GLIS1: variants seen among roughly 807,000 people sequenced by gnomAD.
GLIS1 encodes the protein GLIS family zinc finger 1, also known as zinc finger protein GLIS1.
Under a neutral mutation model 63.8 loss-of-function variants are expected in GLIS1, and 24 were observed. The ratio of observed to expected loss-of-function variants is 0.38; its 90% CI spans 0.27 to 0.53. The LOEUF (loss-of-function observed/expected upper bound fraction) is 0.53. GLIS1 is among the 20% of genes least tolerant of loss of function. The pLI is 0.85. For synonymous variants in GLIS1, 450 were observed against 482.5 expected (o/e 0.93, Z 0.88); for missense variants, 1,036 against 1,074.1 (o/e 0.96, Z 0.50).
At chr1:53,632,497 G>C (rs550621356) in intron 2 of GLIS1, among the ~76,000 whole-genome samples, 1 of 147,276 alleles carries the variant, frequency 6.8e-6, no homozygotes, top group Non-Finnish European at 1.5e-5. Context: ...ATGTGAATGA[G>C]TGTGACTGAG....
Position 53,524,803 on chromosome 1 carries a change from C to T in GLIS1, c.1567G>A (p.Ala523Thr), listed in dbSNP as rs1569749193. The T allele has an allele frequency of 6.2e-7, 1 of 1,613,362 alleles. No individual in the cohort carries two copies. The highest frequency in any genetic ancestry group is 8.5e-7 in the Non-Finnish European group (1 of 1,179,784). Residue 523 changes from alanine to threonine, a missense_variant, in exon 6 of 11, where the codon GCC (alanine) becomes ACC (threonine). Ala to Thr is a moderately conservative substitution (Grantham distance 58, BLOSUM62 0). Coordinates refer to ENST00000628545, the MANE Select transcript of GLIS1 (RefSeq NM_001367484.1). Reference protein sequence around the residue: ...SLRKHVKAHSAKEQQVRKKLH... With the variant: ...SLRKHVKAHSTKEQQVRKKLH... ...TTCTTACGCACCTGCTGCTCTTTGG[C>T]TGAATGGGCCTTGACGTGCTTGCGG...
chr1:53,582,119 G>A (rs74084750), intron 4 of GLIS1, among the ~76,000 whole-genome samples: 12,562 of 152,164 alleles, frequency 0.083, 1,400 homozygotes, highest in African/African-American at 0.25. Flanking sequence ...AGACCTAGGA[G>A]GGCTTCCAAC....
chr1:53,542,969 C>T (rs1644659483), intron 4 of GLIS1, among the ~76,000 whole-genome samples: 1 of 152,202 alleles, frequency 6.6e-6, no homozygotes, highest in South Asian at 2.1e-4. Flanking sequence ...GATGGTTCAG[C>T]AGGTGTCAAT....
At chr1:53,714,269 G>A (rs1646675542) in intron 2 of GLIS1, among the ~76,000 whole-genome samples, 1 of 152,184 alleles carries the variant, frequency 6.6e-6, no homozygotes, top group Non-Finnish European at 1.5e-5. Flanking sequence ...CAAGAGTGTT[G>A]AAAAGATTAA....
intron 4 of GLIS1, among the ~76,000 whole-genome samples, chr1:53,580,221 G>GC (rs1434836204): frequency 6.6e-6 from 1 of 152,140 alleles, no homozygotes; most frequent in African/African-American, 2.4e-5. Flanking sequence ...GAGCCGCAGA[G>GC]CCCCTCCATC....
At chr1:53,732,464 G>A (rs1286904752) in intron 2 of GLIS1, among the ~76,000 whole-genome samples, 1 of 142,146 alleles carries the variant, frequency 7.0e-6, no homozygotes, top group African/African-American at 2.7e-5. Flanking sequence ...TTCCAATGCT[G>A]AAAGCTTTTT....
intron 4 of GLIS1, among the ~76,000 whole-genome samples, chr1:53,557,700 TA>T (rs1557449657): frequency 6.6e-6 from 1 of 152,196 alleles, no homozygotes; most frequent in Non-Finnish European, 1.5e-5. Flanking sequence ...TCACTCCAAT[TA>T]CATTTCTGAA....
At chr1:53,664,179 C>T (rs1377107901) in intron 2 of GLIS1, among the ~76,000 whole-genome samples, 2 of 152,170 alleles carry the variant, frequency 1.3e-5, no homozygotes, top group Non-Finnish European at 2.9e-5. Flanking sequence ...GTGCCCCCAC[C>T]CCAAACCCCA....
At chr1:53,607,517 A>G (rs990775527) in intron 2 of GLIS1, among the ~76,000 whole-genome samples, 2 of 152,218 alleles carry the variant, frequency 1.3e-5, no homozygotes, top group African/African-American at 4.8e-5. Flanking sequence ...TGTGCCAGGT[A>G]CAGTGCTAGG....
intron 4 of GLIS1, among the ~76,000 whole-genome samples, chr1:53,593,199 A>G (rs918303642): frequency 2.0e-5 from 3 of 152,240 alleles, no homozygotes; most frequent in Admixed American, 2.0e-4. Flanking sequence ...CTGGTGGCCC[A>G]TGCTTCTCAA....
At chr1:53,688,850 T>C (rs1646370998) in intron 2 of GLIS1, 1 of 152,230 alleles carries the variant, frequency 6.6e-6, no homozygotes, top group African/African-American at 2.4e-5. Context: ...TCTTGCCCAA[T>C]GGCAGCGAAT....
intron 2 of GLIS1, among the ~76,000 whole-genome samples, chr1:53,709,148 G>C (rs942871266): frequency 6.6e-6 from 1 of 151,978 alleles, no homozygotes; most frequent in Non-Finnish European, 1.5e-5. Flanking sequence ...TAGGATCCCT[G>C]TCCTATGCTT....
chr1:53,710,922 G>A (rs1329897680), intron 2 of GLIS1, among the ~76,000 whole-genome samples: 1 of 152,038 alleles, frequency 6.6e-6, no homozygotes, highest in Admixed American at 6.6e-5. Flanking sequence ...GTCAGCGATG[G>A]TGGCCGAGCT....
At chr1:53,729,300 G>A (rs1378284761) in intron 2 of GLIS1, among the ~76,000 whole-genome samples, 1 of 152,124 alleles carries the variant, frequency 6.6e-6, no homozygotes, top group Admixed American at 6.5e-5. Flanking sequence ...CCGTTTGAAG[G>A]CCCAAAGAAG....
At chr1:53,709,521 A>G (rs1332773719) in intron 2 of GLIS1, among the ~76,000 whole-genome samples, 1 of 151,756 alleles carries the variant, frequency 6.6e-6, no homozygotes, top group Non-Finnish European at 1.5e-5. Context: ...CTGGCTGGTT[A>G]CATAGATGGG....
At chr1:53,645,782 T>G (rs1038625700) in intron 2 of GLIS1, among the ~76,000 whole-genome samples, 4 of 152,228 alleles carry the variant, frequency 2.6e-5, no homozygotes, top group Non-Finnish European at 5.9e-5. Flanking sequence ...TTTCCCAAGT[T>G]CATAGAATTT....
At chr1:53,522,891 G>A (rs1416188432) in intron 6 of GLIS1, among the ~76,000 whole-genome samples, 1 of 152,146 alleles carries the variant, frequency 6.6e-6, no homozygotes, top group Non-Finnish European at 1.5e-5. Flanking sequence ...TCCAGCCTGG[G>A]TGACAGAGTG....
intron 4 of GLIS1, among the ~76,000 whole-genome samples, chr1:53,588,011 C>G (rs570931860): frequency 2.0e-5 from 3 of 152,292 alleles, no homozygotes; most frequent in African/African-American, 7.2e-5. Context: ...CTGGACTGTC[C>G]TTTCCCCATC....
At chr1:53,626,910 TA>T (rs1319274104) in intron 2 of GLIS1, among the ~76,000 whole-genome samples, 2 of 152,214 alleles carry the variant, frequency 1.3e-5, no homozygotes, top group East Asian at 3.8e-4. Context: ...GCTGAATAAA[TA>T]AATGCATGCA....
Sources: allele counts gnomAD v4.1 joint callset (sites outside exome capture counted in the v4.1 genomes callset), GRCh38; gene constraint gnomAD v4.1.1; transcripts MANE v1.5; gene names NCBI Gene and HGNC (gene_info 2026-07-23, HGNC 2026-07-21).